TWF1: variants seen among roughly 807,000 people sequenced by gnomAD.
The protein encoded by TWF1 is twinfilin actin binding protein 1.
TWF1 carries 14 observed loss-of-function variants against 47.9 expected under a neutral mutation model. The observed-to-expected ratio is 0.29, with a 90% CI of 0.19 to 0.46. TWF1 has a LOEUF of 0.46. TWF1 is among the 20% of genes least tolerant of loss of function. The pLI, the probability that TWF1 is intolerant of heterozygous loss-of-function variation, is 1.00. For synonymous variants in TWF1, 96 were observed against 139.2 expected (o/e 0.69, Z 2.18); for missense variants, 281 against 409.3 (o/e 0.69, Z 2.70).
intron 8 of TWF1, among the ~76,000 whole-genome samples, chr12:43,796,126 G>A (rs567910710): frequency 6.6e-6 from 1 of 152,242 alleles, no homozygotes; most frequent in East Asian, 1.9e-4. Flanking sequence ...ACAAACCATG[G>A]CCCGAAGGCC....
In TWF1 at chr12:43,806,275, G is replaced by T. The variant is rs1156567757; in HGVS notation, c.-30C>A. 6 of 1,511,512 alleles carry T rather than the reference G, an allele frequency of 4.0e-6. No individual in the cohort carries two copies. In the African/African-American group the frequency reaches 8.7e-5, roughly 22 times the overall value. 93.6% of individuals were successfully genotyped at this position (1,511,512 alleles called of 1,614,324 possible). A position where few individuals can be genotyped will look rare whatever the true frequency, so the allele number is the denominator to read the frequency against. On this transcript the variant is annotated 5_prime_UTR_variant, in exon 1 of 9. Transcript: ENST00000395510. ...GCGGCCGCTAGCTCCCGGCTCCGGC[G>T]CTGAGTGCAGCCAGCGGCCCCGGCC... is the stretch of plus-strand genomic sequence containing the variant.
intron 1 of TWF1, chr12:43,805,878 G>C (rs1468338867): frequency 2.1e-6 from 3 of 1,445,176 alleles, no homozygotes; most frequent in Non-Finnish European, 2.8e-6. Context: ...CACTGTCCCA[G>C]CTCTTCCCTA....
intron 3 of TWF1, among the ~76,000 whole-genome samples, chr12:43,801,478 A>C (rs1380211944): frequency 2.6e-5 from 4 of 152,166 alleles, no homozygotes; most frequent in African/African-American, 9.6e-5. Flanking sequence ...AAAAATTCAA[A>C]TTAATTTTTT....
At chr12:43,806,069 G>A (rs535401945) in intron 1 of TWF1, 152 bp downstream of exon 1, 2 of 1,517,560 alleles carry the variant, frequency 1.3e-6, no homozygotes, top group Non-Finnish European at 1.8e-6. Flanking sequence ...CGGGAAGCAG[G>A]AGCGCGGAGA....
At chr12:43,801,978 C>T (rs942940956) in intron 3 of TWF1, among the ~76,000 whole-genome samples, 8 of 152,026 alleles carry the variant, frequency 5.3e-5, no homozygotes, top group Middle Eastern at 3.4e-3. Context: ...TGCAGTGAGC[C>T]GAAACTGCAC....
rs1171092175 is a variant in TWF1, at chr12:43,800,291, TTAA to T, written c.378+141_378+143del. The T allele has an allele frequency of 1.7e-5, 10 of 591,376 alleles. 1 individual carries two copies. The African/African-American group carries it at 1.9e-4, about 11-fold the overall frequency. 36.6% of individuals were successfully genotyped at this position (591,376 alleles called of 1,614,324 possible). On this transcript the variant is annotated intron_variant, in intron 4 of 8. Transcript: ENST00000395510. ...AGTTACATATTCATTACAGCTAACT[TTAA>T]TATTATATGAAATACAGTATTTCTC... is the stretch of plus-strand genomic sequence containing the variant.
chr12:43,798,661 A>G, intron 5 of TWF1: 1 of 1,403,394 alleles, frequency 7.1e-7, no homozygotes, highest in Non-Finnish European at 9.5e-7. Context: ...CTACTCAAAT[A>G]ATATGAATTA....
At position 43,797,061 on chromosome 12, in the gene TWF1, A is replaced by G; in HGVS notation, c.797T>C (p.Ile266Thr). The change falls in exon 8 of 9, where the codon ATA becomes ACA. Residue 266 changes from isoleucine to threonine, a missense_variant. Ile to Thr is a moderately conservative substitution (Grantham distance 89). Coordinates refer to ENST00000395510, the MANE Select transcript of TWF1 (RefSeq NM_002822.5). Reference sequence around the variant, plus strand: ...GCTAGAATACAGCATCCGCTCTCTTATACTGCATGTGTATCCAGGCATTGA... The same window carrying G: ...GCTAGAATACAGCATCCGCTCTCTTGTACTGCATGTGTATCCAGGCATTGA... ...IYSMPGYTCS[I>T]RERMLYSSCK... 6.2e-7 allele frequency: 1 copy of G among 1,609,004 alleles called. No individual in the cohort carries two copies. Among genetic ancestry groups the G allele is most frequent in the Non-Finnish European group, 8.5e-7 (1 of 1,177,522 alleles).
chr12:43,798,456 G>C, intron 5 of TWF1: 1 of 1,073,950 alleles, frequency 9.3e-7, no homozygotes, highest in South Asian at 1.7e-5. Flanking sequence ...TCGCAGTGTT[G>C]CAACAGAAAG....
chr12:43,800,155 T>G (rs1362726406), intron 4 of TWF1, among the ~76,000 whole-genome samples: 1 of 152,158 alleles, frequency 6.6e-6, no homozygotes, highest in Non-Finnish European at 1.5e-5. Context: ...TTTCAGTGTT[T>G]CAATTTGTGT....
At chr12:43,797,992 T>A in intron 5 of TWF1, 159 bp from the exon 6 acceptor site, 1 of 712,204 alleles carries the variant, frequency 1.4e-6, no homozygotes, top group Non-Finnish European at 2.2e-6. Flanking sequence ...TAGCATTTTG[T>A]CAACATGCAG....
rs1592278662 is a variant in TWF1 at position 43,799,595 on chromosome 12, G to T, written c.379-93C>A. ...GAAAAACAAAATCATTAACAGAAAAGATTTTAAATGAAAATAAATAGCATT... is the reference window on the plus strand; with the variant it reads ...GAAAAACAAAATCATTAACAGAAAATATTTTAAATGAAAATAAATAGCATT... On this transcript the variant is annotated intron_variant, in intron 4 of 8. Transcript: ENST00000395510. 2.6e-5 allele frequency: 15 copies of T among 576,432 alleles called. 1 individual carries two copies. In the East Asian group the frequency reaches 3.6e-4, roughly 14 times the overall value. The allele number at this position is 576,432 out of a possible 1,614,324, so 35.7% of individuals were successfully genotyped here.
At chr12:43,798,493 A>T (rs1335637694) in intron 5 of TWF1, 5 of 1,416,456 alleles carry the variant, frequency 3.5e-6, no homozygotes, top group Non-Finnish European at 4.6e-6. Context: ...CTTTTAAAAA[A>T]ATGAATGGAG....
At chr12:43,804,225 G>A (rs1942714944) in intron 2 of TWF1, 1 of 484,184 alleles carries the variant, frequency 2.1e-6, no homozygotes, top group South Asian at 1.6e-5. Flanking sequence ...ATTAGAAATG[G>A]ACTGTGGTGC....
Position 43,797,067 on chromosome 12 carries a change from C to T in TWF1, c.791G>A (p.Cys264Tyr), listed in dbSNP as rs1223015880. The change falls in exon 8 of 9, where the codon TGC (cysteine) becomes TAC (tyrosine). Residue 264 changes from cysteine (C) to tyrosine (Y), a missense_variant. Coordinates refer to ENST00000395510, the MANE Select transcript of TWF1 (RefSeq NM_002822.5). The stretch of plus-strand genomic sequence containing the variant: ...ATACAGCATCCGCTCTCTTATACTG[C>T]ATGTGTATCCAGGCATTGAATAAAT... ...VFIYSMPGYT[C>Y]SIRERMLYSS... 16 of 1,604,542 alleles carry T rather than the reference C, an allele frequency of 1.0e-5. No homozygotes were observed. Among genetic ancestry groups the T allele is most frequent in the Non-Finnish European group, 1.4e-5 (16 of 1,176,008 alleles).
In TWF1 at chr12:43,794,029, C is replaced by G. The variant is rs1166225532; in HGVS notation, c.*1556G>C. 3 of 152,544 alleles carry G rather than the reference C, an allele frequency of 2.0e-5. No individual in the cohort carries two copies. Among genetic ancestry groups the G allele is most frequent in the African/African-American group, 7.2e-5 (3 of 41,424 alleles). The allele number at this position is 152,544 out of a possible 1,614,324, so 9.4% of individuals were successfully genotyped here. On this transcript the variant is annotated 3_prime_UTR_variant, in exon 9 of 9. Coordinates refer to ENST00000395510, the MANE Select transcript of TWF1 (RefSeq NM_002822.5). ...AGAGTATAATTGCACATAGATGGTA[C>G]AGAAAAACATTCACTTCTAAATTAT...
intron 4 of TWF1, 30 bp downstream of exon 4, chr12:43,800,405 A>G (rs1309441227): frequency 1.3e-6 from 2 of 1,538,686 alleles, no homozygotes; most frequent in African/African-American, 1.4e-5. Flanking sequence ...TTTAATTGCA[A>G]CATATAGAAT....
Position 43,797,142 on chromosome 12 carries a change from T to C in TWF1, c.761-45A>G, listed in dbSNP as rs571621512. On this transcript the variant is annotated intron_variant, in intron 7 of 8. Transcript: ENST00000395510. ...CAAATATAATTAGCATATCAATACA[T>C]AAACTTCATAAAACTACATATATAA... 277 of 1,529,834 alleles carry C rather than the reference T, an allele frequency of 1.8e-4. 4 individuals are homozygous for C. In the South Asian group the frequency reaches 2.5e-3, roughly 14 times the overall value. The allele number at this position is 1,529,834 out of a possible 1,614,324, so 94.8% of individuals were successfully genotyped here. A position where few individuals can be genotyped will look rare whatever the true frequency, so the allele number is the denominator to read the frequency against.
rs1303929280 is a variant in TWF1, at chr12:43,805,580, T to C, written c.25+641A>G. Reference sequence around the variant, plus strand: ...AATGGAGGTCAGATATAACTGCATATTGAACTGTCTGCACGCATTACATGC... The same window carrying C: ...AATGGAGGTCAGATATAACTGCATACTGAACTGTCTGCACGCATTACATGC... On this transcript the variant is annotated intron_variant, in intron 1 of 8. Transcript: ENST00000395510. The C allele has an allele frequency of 8.6e-6, 4 of 465,612 alleles. No homozygotes were observed. The East Asian group carries it at 2.1e-4, about 24-fold the overall frequency. 28.8% of individuals were successfully genotyped at this position (465,612 alleles called of 1,614,324 possible).
Sources: allele counts gnomAD v4.1 joint callset (sites outside exome capture counted in the v4.1 genomes callset), GRCh38; gene constraint gnomAD v4.1.1; transcripts MANE v1.5; gene names NCBI Gene and HGNC (gene_info 2026-07-23, HGNC 2026-07-21).